MEIS1: variants seen among roughly 807,000 people sequenced by gnomAD.
The protein encoded by MEIS1 is homeobox protein Meis1.
Under a neutral mutation model 50.8 loss-of-function variants are expected in MEIS1, and 5 were observed. The observed-to-expected ratio is 0.10, with a 90% CI of 0.05 to 0.21. The LOEUF (loss-of-function observed/expected upper bound fraction) is 0.21. MEIS1 is among the 10% of genes least tolerant of loss of function. The probability of loss-of-function intolerance (pLI) is 1.00; values close to 1 mark genes in which losing one functional copy is unlikely to be tolerated. For missense variants in MEIS1, 318 were observed against 517.3 expected (o/e 0.61, Z 3.74); for synonymous variants, 176 against 179.3 (o/e 0.98, Z 0.15).
chr2:66,483,364 G>A (rs771824721), intron 7 of MEIS1, among the ~76,000 whole-genome samples: 40 of 151,984 alleles, frequency 2.6e-4, no homozygotes, highest in East Asian at 7.8e-4. Flanking sequence ...GTGAGCCACC[G>A]CGCCCGGCTG....
chr2:66,437,659 A>C (rs1024455461), intron 1 of MEIS1, 78 bp from the exon 2 acceptor site: 1 of 1,321,006 alleles, frequency 7.6e-7, no homozygotes, highest in East Asian at 2.4e-5. Context: ...TTGACCTTAT[A>C]TAAGCTCGGT....
At chr2:66,479,479 T>C (rs925760175) in intron 7 of MEIS1, among the ~76,000 whole-genome samples, 2 of 152,226 alleles carry the variant, frequency 1.3e-5, no homozygotes, top group African/African-American at 2.4e-5. Context: ...AGTTAGTATA[T>C]TGAATACAAT....
At chr2:66,564,179 T>A (rs1005962008) in intron 9 of MEIS1, among the ~76,000 whole-genome samples, 2 of 152,190 alleles carry the variant, frequency 1.3e-5, no homozygotes, top group African/African-American at 4.8e-5. Context: ...GAAAAGGTGA[T>A]TAGTTTTTCT....
rs1439254940 is a variant in MEIS1 at position 66,536,149 on chromosome 2, G to A, written c.889-11794G>A. Among the ~76,000 whole-genome samples, 3 of 152,152 alleles carry A rather than the reference G, an allele frequency of 2.0e-5. No individual in the cohort carries two copies. In the East Asian group the frequency reaches 5.8e-4, roughly 29 times the overall value. On this transcript the variant is annotated intron_variant, in intron 8 of 12. Transcript: ENST00000272369. ...CCATCTAATGAATATTAATAGGAGT[G>A]ATGTCTAGATAACACATAAACCCCG...
At chr2:66,568,519 A>ACC in intron 10 of MEIS1, 148 bp from the exon 11 acceptor site, 3 of 309,348 alleles carry the variant, frequency 9.7e-6, no homozygotes, top group Non-Finnish European at 1.7e-5. Context: ...CTAGTCTGAG[A>ACC]GAAATTTCAC....
At chr2:66,439,436 C>A in intron 2 of MEIS1, 1 of 1,330,430 alleles carries the variant, frequency 7.5e-7, no homozygotes, top group Non-Finnish European at 9.6e-7. Flanking sequence ...CCCGCAGGAA[C>A]CAGCCCTCCC....
At chr2:66,521,308 C>T (rs1387256240) in intron 8 of MEIS1, among the ~76,000 whole-genome samples, 2 of 152,190 alleles carry the variant, frequency 1.3e-5, no homozygotes, top group African/African-American at 4.8e-5. Flanking sequence ...AAGAATCTTT[C>T]CTCATGCAGA....
chr2:66,491,898 A>G (rs1572850980), intron 7 of MEIS1, among the ~76,000 whole-genome samples: 1 of 152,066 alleles, frequency 6.6e-6, no homozygotes, highest in African/African-American at 2.4e-5. Flanking sequence ...GCACCGTCCA[A>G]ATGATTCTTT....
rs556482913 is a variant in MEIS1, at chr2:66,555,604, A to G, written c.965+7585A>G. On this transcript the variant is annotated intron_variant, in intron 9 of 12. Coordinates refer to ENST00000272369, the MANE Select transcript of MEIS1 (RefSeq NM_002398.3). ...TCAAATATGTCTTAAGTGTGTTTACATATAGTTTGCCTTTCTGGTATTTTC... is the reference window on the plus strand; with the variant it reads ...TCAAATATGTCTTAAGTGTGTTTACGTATAGTTTGCCTTTCTGGTATTTTC... 9.9e-5 allele frequency among the ~76,000 whole-genome samples: 15 copies of G among 152,270 alleles called. No individual in the cohort carries two copies. In the South Asian group the frequency reaches 2.7e-3, roughly 27 times the overall value.
intron 8 of MEIS1, 139 bp from the exon 9 acceptor site, chr2:66,547,804 A>G: frequency 1.4e-6 from 1 of 717,588 alleles, no homozygotes; most frequent in Non-Finnish European, 2.4e-6. Context: ...CATTAATTAG[A>G]TGATGTAGTA....
intron 7 of MEIS1, among the ~76,000 whole-genome samples, chr2:66,505,785 T>G (rs2103840209): frequency 6.6e-6 from 1 of 152,362 alleles, no homozygotes; most frequent in Middle Eastern, 3.4e-3. Context: ...TCTGAAAGGC[T>G]ATGGTAGACA....
At chr2:66,521,592 T>A (rs1340631039) in intron 8 of MEIS1, among the ~76,000 whole-genome samples, 1 of 152,212 alleles carries the variant, frequency 6.6e-6, no homozygotes, top group East Asian at 1.9e-4. Flanking sequence ...AATCCTAAAA[T>A]TCTTATGAAT....
intron 7 of MEIS1, among the ~76,000 whole-genome samples, chr2:66,494,510 C>T (rs1673350559): frequency 6.6e-6 from 1 of 152,158 alleles, no homozygotes; most frequent in South Asian, 2.1e-4. Context: ...AAATACAATA[C>T]TGAACAAGAC....
chr2:66,450,017 T>A (rs774706450), intron 6 of MEIS1, among the ~76,000 whole-genome samples: 1 of 152,126 alleles, frequency 6.6e-6, no homozygotes, highest in Non-Finnish European at 1.5e-5. Context: ...CAGCTGGAGT[T>A]GTATAGCTGT....
intron 10 of MEIS1, 69 bp from the exon 11 acceptor site, chr2:66,568,598 G>C (rs112493124): frequency 8.5e-7 from 1 of 1,175,700 alleles, no homozygotes; most frequent in Admixed American, 1.7e-5. Flanking sequence ...TCTCCTCTTA[G>C]TCTCTCTTGG....
At chr2:66,510,453 C>T (rs1363304786) in intron 7 of MEIS1, among the ~76,000 whole-genome samples, 1 of 152,118 alleles carries the variant, frequency 6.6e-6, no homozygotes, top group Non-Finnish European at 1.5e-5. Flanking sequence ...GGTGGGTTTT[C>T]ATGATCTTTT....
At chr2:66,470,342 AAAAG>A (rs1436968434) in intron 7 of MEIS1, among the ~76,000 whole-genome samples, 1 of 152,228 alleles carries the variant, frequency 6.6e-6, no homozygotes, top group East Asian at 1.9e-4. Flanking sequence ...TCAGGTGTAA[AAAAG>A]AAAGAGGAAG....
chr2:66,551,666 T>TA (rs1031684143), intron 9 of MEIS1, among the ~76,000 whole-genome samples: 3 of 151,972 alleles, frequency 2.0e-5, no homozygotes, highest in South Asian at 2.1e-4. Context: ...TGCATATTTT[T>TA]AAAAAATCAA....
intron 9 of MEIS1, among the ~76,000 whole-genome samples, chr2:66,550,624 G>C (rs1253429805): frequency 1.3e-5 from 2 of 151,856 alleles, no homozygotes; most frequent in East Asian, 3.9e-4. Flanking sequence ...AGCCTCCCCA[G>C]TAGTTGGGAA....
Sources: gnomAD v4.1 joint callset for allele counts (sites outside exome capture counted in the v4.1 genomes callset) on GRCh38, gnomAD v4.1.1 for gene constraint, MANE v1.5 for transcripts, NCBI Gene and HGNC (gene_info 2026-07-23, HGNC 2026-07-21) for gene names.